ISM1: variants seen among roughly 807,000 people sequenced by gnomAD.
The protein encoded by ISM1 is isthmin-1.
In ISM1, 25 loss-of-function variants were observed where a neutral mutation model predicts 46.3. The observed-to-expected ratio is 0.54, with a 90% CI of 0.39 to 0.75. ISM1 has a LOEUF of 0.75. Among genes scored for constraint, ISM1 ranks in the 30% least tolerant of loss-of-function variants. The probability of loss-of-function intolerance (pLI) is 0.00; values close to 1 mark genes in which losing one functional copy is unlikely to be tolerated. For missense variants in ISM1, 536 were observed against 625.4 expected (o/e 0.86, Z 1.52); for synonymous variants, 255 against 256.7 (o/e 0.99, Z 0.06).
intron 2 of ISM1, among the ~76,000 whole-genome samples, chr20:13,271,853 C>A (rs1404745544): frequency 9.2e-6 from 1 of 108,280 alleles, no homozygotes; most frequent in Admixed American, 9.3e-5. Context: ...TAGCTTACTG[C>A]ATGCAGCCCC....
chr20:13,292,531 A>G (rs748219783), intron 5 of ISM1, 68 bp downstream of exon 5: 11 of 971,458 alleles, frequency 1.1e-5, no homozygotes, highest in South Asian at 2.9e-5. Flanking sequence ...TGCTTTTGCA[A>G]TGCCATCCTT....
At chr20:13,291,975 G>A (rs1283965056) in intron 4 of ISM1, among the ~76,000 whole-genome samples, 3 of 152,144 alleles carry the variant, frequency 2.0e-5, no homozygotes. Context: ...CCAAGGTCAC[G>A]TGGCTAGTAA....
chr20:13,287,268 A>G (rs2040304360), intron 3 of ISM1, among the ~76,000 whole-genome samples: 1 of 152,234 alleles, frequency 6.6e-6, no homozygotes, highest in South Asian at 2.1e-4. Context: ...GGGACATCTT[A>G]CATGGTGTCA....
intron 1 of ISM1, among the ~76,000 whole-genome samples, chr20:13,235,120 C>T (rs974551123): frequency 3.9e-5 from 6 of 152,186 alleles, no homozygotes; most frequent in African/African-American, 1.4e-4. Context: ...AGCATGTACT[C>T]TCACACTCAT....
At chr20:13,321,597 G>A in the ISM1 span, among the ~76,000 whole-genome samples, 1 of 152,186 alleles carries the variant, frequency 6.6e-6, no homozygotes, top group Non-Finnish European at 1.5e-5. Context: ...CAGGGACGTG[G>A]TGTGTTTTCT....
At chr20:13,286,111 T>G (rs778701980) in intron 3 of ISM1, among the ~76,000 whole-genome samples, 3 of 152,188 alleles carry the variant, frequency 2.0e-5, no homozygotes, top group Non-Finnish European at 4.4e-5. Context: ...AACATTATAA[T>G]CTTTACTTTT....
At chr20:13,275,526 C>A (rs1440592985) in intron 2 of ISM1, among the ~76,000 whole-genome samples, 1 of 152,174 alleles carries the variant, frequency 6.6e-6, no homozygotes, top group Non-Finnish European at 1.5e-5. Flanking sequence ...GGATCAGGCA[C>A]CACCATTTAG....
At chr20:13,318,300 C>T in the ISM1 span, among the ~76,000 whole-genome samples, 1,178 of 152,086 alleles carry the variant, frequency 7.7e-3, 23 homozygotes, top group African/African-American at 0.027. Context: ...ATTAGAATGG[C>T]CAAAATCCAA....
chr20:13,301,787 G>C (rs1246165875), downstream of ISM1, among the ~76,000 whole-genome samples: 1 of 152,060 alleles, frequency 6.6e-6, no homozygotes, highest in Admixed American at 6.5e-5. Context: ...AGCAGAGGCT[G>C]GAGATTAGTC....
downstream of ISM1, among the ~76,000 whole-genome samples, chr20:13,305,301 A>C (rs149524109): frequency 1.8e-4 from 28 of 152,112 alleles, no homozygotes; most frequent in African/African-American, 6.7e-4. Context: ...CTTTTCCATA[A>C]TTTTAGAATT....
At chr20:13,314,597 C>T in the ISM1 span, among the ~76,000 whole-genome samples, 1 of 151,712 alleles carries the variant, frequency 6.6e-6, no homozygotes, top group Admixed American at 6.6e-5. Flanking sequence ...AATTTGTTAC[C>T]AGTAGAAGTG....
chr20:13,266,894 A>C (rs1425781081), intron 1 of ISM1, among the ~76,000 whole-genome samples: 1 of 152,202 alleles, frequency 6.6e-6, no homozygotes, highest in East Asian at 1.9e-4. Flanking sequence ...AGCTGGACTG[A>C]TGTCCTCAAC....
chr20:13,316,318 A>G, the ISM1 span, among the ~76,000 whole-genome samples: 18,348 of 151,994 alleles, frequency 0.12, 1,237 homozygotes, highest in Admixed American at 0.18. Flanking sequence ...GTCAAAACAG[A>G]AAGCACTAGC....
the ISM1 span, among the ~76,000 whole-genome samples, chr20:13,316,729 C>T: frequency 6.6e-6 from 1 of 151,466 alleles, no homozygotes; most frequent in Admixed American, 6.6e-5. Flanking sequence ...CAAAATTCAA[C>T]ACCCATTCAT....
chr20:13,248,498 CA>C (rs1360817636), intron 1 of ISM1, among the ~76,000 whole-genome samples: 1 of 152,154 alleles, frequency 6.6e-6, no homozygotes, highest in Non-Finnish European at 1.5e-5. Flanking sequence ...TTGAGTGTAG[CA>C]AAAGCATTCT....
At chr20:13,326,319 A>C in the ISM1 span, among the ~76,000 whole-genome samples, 3 of 152,298 alleles carry the variant, frequency 2.0e-5, no homozygotes, top group African/African-American at 7.2e-5. Context: ...TCATTTCTCT[A>C]GGGTAAATAC....
intron 1 of ISM1, among the ~76,000 whole-genome samples, chr20:13,247,158 G>A (rs1211433683): frequency 6.6e-6 from 1 of 152,042 alleles, no homozygotes; most frequent in African/African-American, 2.4e-5. Context: ...TTGAACCTGG[G>A]AGGCAGAGGT....
At chr20:13,271,436 C>T (rs1044677416) in intron 2 of ISM1, among the ~76,000 whole-genome samples, 1 of 152,180 alleles carries the variant, frequency 6.6e-6, no homozygotes, top group Non-Finnish European at 1.5e-5. Flanking sequence ...ACTGAAATAG[C>T]TCAGTATACT....
the ISM1 span, among the ~76,000 whole-genome samples, chr20:13,321,097 G>T: frequency 6.6e-6 from 1 of 151,750 alleles, no homozygotes; most frequent in African/African-American, 2.4e-5. Flanking sequence ...AACTCAGGAG[G>T]CTGAGGCATG....
Sources: gnomAD v4.1 joint callset for allele counts (sites outside exome capture counted in the v4.1 genomes callset) on GRCh38, gnomAD v4.1.1 for gene constraint, MANE v1.5 for transcripts, NCBI Gene and HGNC (gene_info 2026-07-23, HGNC 2026-07-21) for gene names.